The following ZNF805 variants were observed in gnomAD, a reference collection of about 807,000 sequenced individuals.
ZNF805 encodes the protein CTC-444N24.8.
Under a neutral mutation model 13.6 loss-of-function variants are expected in ZNF805, and 7 were observed. That is an observed-to-expected ratio of 0.51 (90% confidence interval 0.29 to 0.97). The LOEUF (loss-of-function observed/expected upper bound fraction) is 0.97. ZNF805 is among the 50% of genes least tolerant of loss of function. The pLI, the probability that ZNF805 is intolerant of heterozygous loss-of-function variation, is 0.08. For missense variants in ZNF805, 604 were observed against 771.0 expected, an observed-to-expected ratio of 0.78 and a Z score of 2.57; for synonymous variants, 293 against 279.8, an observed-to-expected ratio of 1.05 and a Z score of -0.47.
At position 57,261,037 on chromosome 19, in the gene ZNF805, T is replaced by G. The variant is rs1198670147; in HGVS notation, c.*6334T>G. On this transcript the variant is annotated 3_prime_UTR_variant, in exon 4 of 4. Transcript: ENST00000414468. ...GAATTTGTCAAAGATTTCACAATTA[T>G]GAAATTTGGGTTTGGGGACTGGAAG... Among the ~76,000 whole-genome samples the G allele has an allele frequency of 6.6e-6, 1 of 152,212 alleles. No homozygotes were observed. The highest frequency in any genetic ancestry group is 1.5e-5 in the Non-Finnish European group (1 of 68,040).
At chr19:57,242,876 A>T (rs367990556) in intron 1 of ZNF805, among the ~76,000 whole-genome samples, 1 of 152,222 alleles carries the variant, frequency 6.6e-6, no homozygotes, top group African/African-American at 2.4e-5. Flanking sequence ...ACCCTGAAGC[A>T]GAGGGACCTG....
At chr19:57,250,841 TACC>T (rs2087647780) in intron 3 of ZNF805, among the ~76,000 whole-genome samples, 1 of 152,224 alleles carries the variant, frequency 6.6e-6, no homozygotes, top group Non-Finnish European at 1.5e-5. Flanking sequence ...GAAGAGGTCT[TACC>T]CTTGGCCACG....
intron 2 of ZNF805, among the ~76,000 whole-genome samples, chr19:57,245,031 G>A: frequency 6.6e-6 from 1 of 152,182 alleles, no homozygotes; most frequent in East Asian, 1.9e-4. Flanking sequence ...CCAGTCTGTG[G>A]TGTAAGGGTT....
rs2087672242 is a variant in ZNF805, at chr19:57,254,261, A to C, written c.1442A>C (p.Lys481Thr). ...IRHFSIHTGE[K>T]PYECMECGKA... ...CACTTCAGCATCCACACTGGAGAGA[A>C]GCCCTATGAGTGCATGGAGTGTGGA... The change falls in exon 4 of 4, where the codon AAG becomes ACG. Residue 481 changes from lysine (K) to threonine (T), a missense_variant. By Grantham distance (78) the Lys-to-Thr change is moderately conservative (BLOSUM62 -1). Transcript: ENST00000414468. 1 of 1,614,062 alleles carries C rather than the reference A, an allele frequency of 6.2e-7. No individual in the cohort carries two copies. Among genetic ancestry groups the C allele is most frequent in the South Asian group, 1.1e-5 (1 of 91,090 alleles).
intron 2 of ZNF805, among the ~76,000 whole-genome samples, chr19:57,245,248 T>A (rs1387927705): frequency 6.6e-6 from 1 of 152,194 alleles, no homozygotes; most frequent in Non-Finnish European, 1.5e-5. Context: ...CATTTGCTGT[T>A]CTCTTTGATG....
At position 57,240,760 on chromosome 19, in the gene ZNF805, C is replaced by G; in HGVS notation, c.-132C>G. On this transcript the variant is annotated 5_prime_UTR_variant, in exon 1 of 4. Coordinates refer to ENST00000414468, the MANE Select transcript of ZNF805 (RefSeq NM_001023563.4). ...TCTCGGAGCGAACCGTGAGCCTCCC[C>G]GTAACGAGAGAGTTTGACTGTCAGC... is the stretch of plus-strand genomic sequence containing the variant. 2.5e-6 allele frequency: 2 copies of G among 807,926 alleles called. No individual in the cohort carries two copies. The highest frequency in any genetic ancestry group is 3.8e-6 in the Non-Finnish European group (2 of 528,452). The allele number at this position is 807,926 out of a possible 1,614,324, so 50.0% of individuals were successfully genotyped here.
At chr19:57,246,507 G>C (rs747752173) in intron 2 of ZNF805, among the ~76,000 whole-genome samples, 65 of 152,130 alleles carry the variant, frequency 4.3e-4, no homozygotes, top group Admixed American at 1.2e-3. Flanking sequence ...CCCGGGCATG[G>C]TGGCTCATGC....
At position 57,240,856 on chromosome 19, in the gene ZNF805, G is replaced by A; in HGVS notation, c.-36G>A. ...GCCCGCGAGACCCGCCCTGCTCGCC[G>A]CAGCCCCCGCCCCGCTAGGGCCACA... On this transcript the variant is annotated 5_prime_UTR_variant, in exon 1 of 4. Coordinates refer to ENST00000414468, the MANE Select transcript of ZNF805 (RefSeq NM_001023563.4). 1 of 1,544,390 alleles carries A rather than the reference G, an allele frequency of 6.5e-7. No homozygotes were observed. The highest frequency in any genetic ancestry group is 8.8e-7 in the Non-Finnish European group (1 of 1,142,762).
At chr19:57,249,153 A>G (rs2087636755) in intron 3 of ZNF805, among the ~76,000 whole-genome samples, 1 of 152,144 alleles carries the variant, frequency 6.6e-6, no homozygotes, top group East Asian at 1.9e-4. Context: ...TCTGTCATCA[A>G]CCTGTTGCTT....
In ZNF805 at chr19:57,257,205, C is replaced by T. The variant is rs1473355481; in HGVS notation, c.*2502C>T. Among the ~76,000 whole-genome samples, 1 of 152,002 alleles carries T rather than the reference C, an allele frequency of 6.6e-6. No homozygotes were observed. The highest frequency in any genetic ancestry group is 6.6e-5 in the Admixed American group (1 of 15,258). On this transcript the variant is annotated 3_prime_UTR_variant, in exon 4 of 4. Coordinates refer to ENST00000414468, the MANE Select transcript of ZNF805 (RefSeq NM_001023563.4). The stretch of plus-strand genomic sequence containing the variant: ...TAGGCTGTCTTGTTTTACATAGCTG[C>T]TTGAAAAGAATGTGTGTTCTCGGTC...
rs770480929 is a variant in ZNF805 at position 57,253,767 on chromosome 19, G to C, written c.948G>C (p.Val316=). The part of the protein sequence containing the change: ...NRSHTGEKPF[V]CKECGKAFRD... ...GCCACACTGGAGAAAAACCCTTTGTGTGCAAAGAGTGTGGCAAAGCCTTTC... is the reference window on the plus strand; with the variant it reads ...GCCACACTGGAGAAAAACCCTTTGTCTGCAAAGAGTGTGGCAAAGCCTTTC... Residue 316 remains valine, a synonymous_variant, in exon 4 of 4, where the codon GTG becomes GTC. Transcript: ENST00000414468. This position sits in a 1 kb window ranked among gnomAD's most constrained non-coding sequence, Gnocchi z 4.4. 3.7e-6 allele frequency: 6 copies of C among 1,614,004 alleles called. No individual in the cohort carries two copies. In the South Asian group the frequency reaches 6.6e-5, roughly 18 times the overall value.
chr19:57,258,921 T>C lies in ZNF805; in HGVS notation c.*4218T>C, dbSNP rs1054657047. On this transcript the variant is annotated 3_prime_UTR_variant, in exon 4 of 4. Transcript: ENST00000414468. ...ATGTTCCCTTCATTCCTGAGGGATA[T>C]TTTTGTGGGATAATAGGATTTAGGG... 2.6e-5 allele frequency among the ~76,000 whole-genome samples: 4 copies of C among 152,196 alleles called. No individual in the cohort carries two copies. Among genetic ancestry groups the C allele is most frequent in the African/African-American group, 9.7e-5 (4 of 41,444 alleles).
rs2122853148 is a variant in ZNF805 at position 57,259,714 on chromosome 19, G to C, written c.*5011G>C. On this transcript the variant is annotated 3_prime_UTR_variant, in exon 4 of 4. Coordinates refer to ENST00000414468, the MANE Select transcript of ZNF805 (RefSeq NM_001023563.4). ...GTAGAGACGGGGTTTCACTGTGTTAGCCAGGATGGTCTCGATTTCCTGATC... is the reference window on the plus strand; with the variant it reads ...GTAGAGACGGGGTTTCACTGTGTTACCCAGGATGGTCTCGATTTCCTGATC... 6.6e-6 allele frequency among the ~76,000 whole-genome samples: 1 copy of C among 152,258 alleles called. No individual in the cohort carries two copies. The highest frequency in any genetic ancestry group is 3.4e-3 in the Middle Eastern group (1 of 294).
In ZNF805 at chr19:57,246,032, T is replaced by G. The variant is rs184057138; in HGVS notation, c.157+1983T>G. On this transcript the variant is annotated intron_variant, in intron 2 of 3. Transcript: ENST00000414468. Reference sequence around the variant, plus strand: ...TGTTCTTTTATTTCTTCTCGTCTTGTCTCCTTAGCATTTGAGGAAAACTCT... The same window carrying G: ...TGTTCTTTTATTTCTTCTCGTCTTGGCTCCTTAGCATTTGAGGAAAACTCT... 9.3e-4 allele frequency among the ~76,000 whole-genome samples: 142 copies of G among 152,354 alleles called. 1 individual carries two copies. The Middle Eastern group carries it at 0.01, about 11-fold the overall frequency.
chr19:57,260,263 T>C lies in ZNF805; in HGVS notation c.*5560T>C, dbSNP rs1276242494. 2.6e-5 allele frequency among the ~76,000 whole-genome samples: 4 copies of C among 152,240 alleles called. No homozygotes were observed. The highest frequency in any genetic ancestry group is 3.8e-4 in the East Asian group (2 of 5,202). On this transcript the variant is annotated 3_prime_UTR_variant, in exon 4 of 4. Coordinates refer to ENST00000414468, the MANE Select transcript of ZNF805 (RefSeq NM_001023563.4). ...TTATTAACCAGCTTCTTTCCCATAA[T>C]GTATAGCTTTAGTCGGATCTCAAGC...
intron 2 of ZNF805, among the ~76,000 whole-genome samples, chr19:57,245,553 G>A (rs916903129): frequency 2.6e-5 from 4 of 151,120 alleles, no homozygotes; most frequent in Admixed American, 1.3e-4. Context: ...GCCGAGATGG[G>A]CGGATCACAA....
At position 57,253,735 on chromosome 19, in the gene ZNF805, A is replaced by G; in HGVS notation, c.916A>G (p.Asn306Asp). Residue 306 changes from asparagine to aspartate, a missense_variant, in exon 4 of 4, where the codon AAC (asparagine) becomes GAC (aspartate). This residue lies in a region of ZNF805 where 327 missense variants were observed against 378.2 expected (regional missense o/e 0.86). Transcript: ENST00000414468. This position sits in a 1 kb window ranked among gnomAD's most constrained non-coding sequence, Gnocchi z 4.4. Reference protein sequence around the residue: ...FTHRSTFVLHNRSHTGEKPFV... With the variant: ...FTHRSTFVLHDRSHTGEKPFV... ...CCACCGCTCCACTTTTGTCTTGCAT[A>G]ACAGGAGCCACACTGGAGAAAAACC... 1 of 1,613,888 alleles carries G rather than the reference A, an allele frequency of 6.2e-7. No homozygotes were observed. The highest frequency in any genetic ancestry group is 8.5e-7 in the Non-Finnish European group (1 of 1,179,978).
rs1599996471 is a variant in ZNF805, at chr19:57,253,872, C to T, written c.1053C>T (p.Val351=). The T allele has an allele frequency of 6.2e-7, 1 of 1,614,020 alleles. No individual in the cohort carries two copies. Among genetic ancestry groups the T allele is most frequent in the Non-Finnish European group, 8.5e-7 (1 of 1,180,040 alleles). Residue 351 remains valine (V), a synonymous_variant, in exon 4 of 4, where the codon GTC becomes GTT. Transcript: ENST00000414468. The surrounding 1 kb of genome is among the most constrained non-coding windows in gnomAD (Gnocchi z 4.4). ...NPYECFECGK[V]FKHRSYLMWH... ...ACGAGTGCTTCGAATGTGGCAAGGT[C>T]TTCAAACACAGATCATACCTCATGT...
chr19:57,253,172 G>A lies in ZNF805; in HGVS notation c.353G>A (p.Gly118Glu). 6.4e-7 allele frequency: 1 copy of A among 1,557,932 alleles called. No individual in the cohort carries two copies. The highest frequency in any genetic ancestry group is 8.7e-7 in the Non-Finnish European group (1 of 1,151,796). The change falls in exon 4 of 4, where the codon GGG becomes GAG. Residue 118 changes from glycine to glutamate, a missense_variant. Gly to Glu is a moderately conservative substitution (Grantham distance 98, BLOSUM62 -2). Around this residue, in one of 3 missense-constraint regions of ZNF805, gnomAD observed 327 missense variants for 378.2 expected, o/e 0.86. Transcript: ENST00000414468. This position sits in a 1 kb window ranked among gnomAD's most constrained non-coding sequence, Gnocchi z 4.4. ...GGACAACTAACACAAGGAGCTTCAG[G>A]GGACTCCCAGTTGGGGCAACCCAAG... ...FWGQLTQGAS[G>E]DSQLGQPKDQ...
Sources: allele counts gnomAD v4.1 joint callset (sites outside exome capture counted in the v4.1 genomes callset), GRCh38; gene constraint gnomAD v4.1.1; regional missense constraint gnomAD v4.1.1; non-coding constraint Gnocchi (gnomAD v3.1); transcripts MANE v1.5; gene names NCBI Gene and HGNC (gene_info 2026-07-23, HGNC 2026-07-21).